Variants in ACOX1 observed in about 807,000 individuals in gnomAD.
ACOX1 encodes the protein acyl-CoA oxidase 1, also known as peroxisomal acyl-coenzyme A oxidase 1.
ACOX1 carries 41 observed loss-of-function variants against 75.5 expected under a neutral mutation model. That is an observed-to-expected ratio of 0.54 (90% CI 0.42 to 0.70). ACOX1 has a LOEUF of 0.70. Among genes scored for constraint, ACOX1 ranks in the 30% least tolerant of loss-of-function variants. The pLI, the probability that ACOX1 is intolerant of heterozygous loss-of-function variation, is 0.00. For synonymous variants in ACOX1, 303 were observed against 298.8 expected (o/e 1.01, Z -0.15); for missense variants, 630 against 837.5 (o/e 0.75, Z 3.06).
chr17:75,958,352 C>CAA (rs1279952402), intron 3 of ACOX1, among the ~76,000 whole-genome samples: 7 of 66,986 alleles, frequency 1.0e-4, no homozygotes, highest in African/African-American at 3.2e-4. Flanking sequence ...GACTCCATCT[C>CAA]AAAAAAAAAA....
chr17:75,949,335 T>G lies in ACOX1; in HGVS notation c.1610A>C (p.Lys537Thr), dbSNP rs1038600815. Residue 537 changes from lysine (K) to threonine (T), a missense_variant, in exon 12 of 14, where the codon AAG becomes ACG. By Grantham distance (78) the Lys-to-Thr change is moderately conservative. Transcript: ENST00000293217. ...TTTGAGGAGTTTTTCTGAAAAGAGCTTAACTACCACATAGTGGCAATGTGC... is the reference window on the plus strand; with the variant it reads ...TTTGAGGAGTTTTTCTGAAAAGAGCGTAACTACCACATAGTGGCAATGTGC... ...SEAHCHYVVVKLFSEKLLKIQ... is the reference protein window; with the variant it reads ...SEAHCHYVVVTLFSEKLLKIQ... The G allele has an allele frequency of 5.6e-6, 9 of 1,614,042 alleles. No homozygotes were observed. The Admixed American group carries it at 1.3e-4, about 24-fold the overall frequency.
Position 75,960,372 on chromosome 17 carries a change from A to C in ACOX1, c.273T>G (p.Phe91Leu). Residue 91 changes from phenylalanine to leucine, a missense_variant, in exon 3 of 14, where the codon TTT (phenylalanine) becomes TTG (leucine). Phe to Leu is a conservative substitution (Grantham distance 22, BLOSUM62 0). Transcript: ENST00000293217. This position sits in a 1 kb window ranked among gnomAD's most constrained non-coding sequence, Gnocchi z 4.4. ...GAGGCTCAGGCCGCCCTCGGTGCAC[A>C]AAACTTCGAGGAAATATCAAGGATG... ...DPDEIMWFKN[F>L]VHRGRPEPLD... 1 of 1,613,766 alleles carries C rather than the reference A, an allele frequency of 6.2e-7. No homozygotes were observed. Among genetic ancestry groups the C allele is most frequent in the Non-Finnish European group, 8.5e-7 (1 of 1,179,976 alleles).
chr17:75,970,674 T>C (rs2065985705), intron 2 of ACOX1, among the ~76,000 whole-genome samples: 1 of 152,230 alleles, frequency 6.6e-6, no homozygotes, highest in African/African-American at 2.4e-5. Context: ...AAGTTACAGC[T>C]ACTTCTGTGA....
intron 2 of ACOX1, among the ~76,000 whole-genome samples, chr17:75,970,810 T>C (rs114560510): frequency 0.012 from 1,836 of 152,324 alleles, 39 homozygotes; most frequent in African/African-American, 0.04. Flanking sequence ...TTTTTGTGTA[T>C]TCCATATAAG....
intron 3 of ACOX1, among the ~76,000 whole-genome samples, chr17:75,957,786 C>A (rs921964963): frequency 2.0e-5 from 3 of 152,198 alleles, no homozygotes; most frequent in Admixed American, 6.6e-5. Flanking sequence ...AAGTGTCATG[C>A]ATGTTCCATT....
chr17:75,963,629 C>T (rs1452752483), intron 2 of ACOX1, among the ~76,000 whole-genome samples: 4 of 150,562 alleles, frequency 2.7e-5, no homozygotes, highest in African/African-American at 4.9e-5. Flanking sequence ...ACCCGGGAGG[C>T]GGAGGCTGCA....
At chr17:75,975,957 G>A (rs1224884695) in intron 2 of ACOX1, among the ~76,000 whole-genome samples, 1 of 151,172 alleles carries the variant, frequency 6.6e-6, no homozygotes, top group Non-Finnish European at 1.5e-5. Flanking sequence ...AAGAAAGAAA[G>A]AAAGAAAAGA....
intron 2 of ACOX1, among the ~76,000 whole-genome samples, chr17:75,965,760 G>T (rs1339259928): frequency 1.3e-5 from 2 of 152,146 alleles, no homozygotes; most frequent in East Asian, 3.9e-4. Context: ...TTCAGTCTAG[G>T]AGATCAAGGC....
chr17:75,970,305 A>G (rs1381888231), intron 2 of ACOX1, among the ~76,000 whole-genome samples: 1 of 152,118 alleles, frequency 6.6e-6, no homozygotes, highest in Non-Finnish European at 1.5e-5. Context: ...ATCTGTGAAG[A>G]GCAAACAAAC....
At chr17:75,959,242 G>C (rs1280806978) in intron 3 of ACOX1, among the ~76,000 whole-genome samples, 1 of 152,062 alleles carries the variant, frequency 6.6e-6, no homozygotes, top group East Asian at 1.9e-4. Context: ...TTCCCGAGTG[G>C]GAGTCAACAA....
At chr17:75,953,792 G>A (rs2065796593) in intron 6 of ACOX1, among the ~76,000 whole-genome samples, 172 bp from the exon 7 acceptor site, 1 of 152,188 alleles carries the variant, frequency 6.6e-6, no homozygotes, top group East Asian at 1.9e-4. Context: ...TCCAGGGTAG[G>A]GCCTAGCAAC....
chr17:75,968,435 C>CAAAAAAAAAAAAAA (rs55909021), intron 2 of ACOX1, among the ~76,000 whole-genome samples: 12 of 21,002 alleles, frequency 5.7e-4, no homozygotes, highest in African/African-American at 4.2e-3. Context: ...GACTCCGTCT[C>CAAAAAAAAAAAAAA]AAAAAAAAAA....
At chr17:75,952,455 C>A (rs948533375) in intron 7 of ACOX1, among the ~76,000 whole-genome samples, 11 of 151,416 alleles carry the variant, frequency 7.3e-5, no homozygotes, top group Non-Finnish European at 1.5e-4. Flanking sequence ...CCACCACACC[C>A]AGCTAATTTT....
intron 3 of ACOX1, among the ~76,000 whole-genome samples, chr17:75,958,717 A>C (rs1460227923): frequency 6.6e-6 from 1 of 150,944 alleles, no homozygotes; most frequent in Non-Finnish European, 1.5e-5. Flanking sequence ...CTGAGGCAGG[A>C]GAATGGCGTG....
At position 75,942,331 on chromosome 17, in the gene ACOX1, TGAGGCAGAGAATTGCTTGAACCCGG is replaced by T. The variant is rs1456046908; in HGVS notation, c.*4392_*4416del. 1 of 147,314 alleles carries T rather than the reference TGAGGCAGAGAATTGCTTGAACCCGG, an allele frequency of 6.8e-6. No individual in the cohort carries two copies. The highest frequency in any genetic ancestry group is 1.5e-5 in the Non-Finnish European group (1 of 67,572). 9.1% of individuals were successfully genotyped at this position (147,314 alleles called of 1,614,324 possible). On this transcript the variant is annotated 3_prime_UTR_variant, in exon 14 of 14. Transcript: ENST00000293217. ...CTGTAATCCCAGCTTCTCAGGAGGC[TGAGGCAGAGAATTGCTTGAACCCGG>T]GAGGCAGAGGTTGCAGTGAGCCAAG...
rs139373608 is a variant in ACOX1 at position 75,947,686 on chromosome 17, T to TTGTGTG, written c.1935+559_1935+564dup. Among the ~76,000 whole-genome samples the TTGTGTG allele has an allele frequency of 8.0e-5, 12 of 149,546 alleles. No individual in the cohort carries two copies. The East Asian group carries it at 2.0e-3, about 24-fold the overall frequency. On this transcript the variant is annotated intron_variant, in intron 13 of 13. Coordinates refer to ENST00000293217, the MANE Select transcript of ACOX1 (RefSeq NM_004035.7). ...TCTCTTTTTGTATATTTTATTCTAT[T>TTGTGTG]TGTGTGTGTGTGTGTGTGTGTATAC...
In ACOX1 at chr17:75,953,518, G is replaced by C. The variant is rs368271580; in HGVS notation, c.877C>G (p.Leu293Val). ...SFLVGEAARA[L>V]SKACTIAIRY... is the part of the protein sequence containing the mutation. ...ATGGCAATGGTGCACGCCTTAGACA[G>C]AGCCCGAGCAGCTTCTCCCACAAGG... The change falls in exon 7 of 14, where the codon CTG becomes GTG. Residue 293 changes from leucine (L) to valine (V), a missense_variant. Leu to Val is a conservative substitution (Grantham distance 32, BLOSUM62 1). Coordinates refer to ENST00000293217, the MANE Select transcript of ACOX1 (RefSeq NM_004035.7). 1 of 1,614,194 alleles carries C rather than the reference G, an allele frequency of 6.2e-7. No homozygotes were observed. Among genetic ancestry groups the C allele is most frequent in the Non-Finnish European group, 8.5e-7 (1 of 1,180,022 alleles).
intron 2 of ACOX1, among the ~76,000 whole-genome samples, chr17:75,967,699 TATATATACATATATATATACAC>T (rs2065949931): frequency 7.7e-6 from 1 of 130,248 alleles, no homozygotes; most frequent in African/African-American, 3.3e-5. Flanking sequence ...TATACATACA[TATATATACATATATATATACAC>T]ATATATATAT....
At position 75,972,651 on chromosome 17, in the gene ACOX1, A is replaced by G. The variant is rs542738640; in HGVS notation, c.269+5883T>C. 2.6e-3 allele frequency among the ~76,000 whole-genome samples: 391 copies of G among 151,672 alleles called. 1 individual carries two copies. Among genetic ancestry groups the G allele is most frequent in the South Asian group, 4.8e-3 (23 of 4,812 alleles). ...AAAAAGCAAAACTCTGTCTCAAAAAAAAAAAAAAAAAAAAGAATCTTATCT... is the reference window on the plus strand; with the variant it reads ...AAAAAGCAAAACTCTGTCTCAAAAAGAAAAAAAAAAAAAAGAATCTTATCT... On this transcript the variant is annotated intron_variant, in intron 2 of 13. Transcript: ENST00000293217.
Sources: allele counts gnomAD v4.1 joint callset (sites outside exome capture counted in the v4.1 genomes callset), GRCh38; gene constraint gnomAD v4.1.1; non-coding constraint Gnocchi (gnomAD v3.1); transcripts MANE v1.5; gene names NCBI Gene and HGNC (gene_info 2026-07-23, HGNC 2026-07-21).